Variants in MACROD2 observed in about 807,000 individuals in gnomAD.
The protein encoded by MACROD2 is mono-ADP ribosylhydrolase 2.
Under a neutral mutation model 70.4 loss-of-function variants are expected in MACROD2, and 36 were observed. The ratio of observed to expected loss-of-function variants is 0.51; its 90% CI spans 0.39 to 0.68. The LOEUF (loss-of-function observed/expected upper bound fraction) is 0.68, where lower values mean the gene tolerates loss of function less well. MACROD2 is among the 30% of genes least tolerant of loss of function. MACROD2 has a pLI of 0.00. For missense variants in MACROD2, 496 were observed against 538.4 expected (o/e 0.92, Z 0.78); for synonymous variants, 172 against 178.8 (o/e 0.96, Z 0.30).
chr20:14,823,573 T>C (rs2072870874), intron 5 of MACROD2, among the ~76,000 whole-genome samples: 1 of 152,028 alleles, frequency 6.6e-6, no homozygotes, highest in Non-Finnish European at 1.5e-5. Flanking sequence ...AGAAGGAAGC[T>C]AGAAAAGCGA....
chr20:14,819,358 G>A (rs2072812955), intron 5 of MACROD2, among the ~76,000 whole-genome samples: 1 of 150,596 alleles, frequency 6.6e-6, no homozygotes, highest in African/African-American at 2.5e-5. Flanking sequence ...GAATTCTCAG[G>A]TGTGGCTGCA....
At chr20:15,078,391 G>A (rs768095399) in intron 5 of MACROD2, among the ~76,000 whole-genome samples, 2 of 152,140 alleles carry the variant, frequency 1.3e-5, no homozygotes, top group Non-Finnish European at 2.9e-5. Context: ...AGAGAAGGGG[G>A]ATGAAAGGCC....
chr20:14,116,976 A>C (rs899266219), intron 3 of MACROD2, among the ~76,000 whole-genome samples: 1 of 151,422 alleles, frequency 6.6e-6, no homozygotes, highest in Admixed American at 6.6e-5. Context: ...CTGAGGCAGG[A>C]GAATCGCTTG....
intron 3 of MACROD2, among the ~76,000 whole-genome samples, chr20:14,138,009 G>T (rs558636681): frequency 1.3e-5 from 2 of 152,138 alleles, no homozygotes; most frequent in African/African-American, 4.8e-5. Flanking sequence ...TATATTACAA[G>T]GTGCTCAGTC....
intron 5 of MACROD2, among the ~76,000 whole-genome samples, chr20:15,163,690 CCTT>C (rs979838577): frequency 6.9e-4 from 105 of 151,828 alleles, no homozygotes; most frequent in Middle Eastern, 3.4e-3. Flanking sequence ...CAAATTAAAA[CCTT>C]TTTTTTTTTA....
At position 14,326,348 on chromosome 20, in the gene MACROD2, T is replaced by A. The variant is rs1221097227; in HGVS notation, c.272-167131T>A. On this transcript the variant is annotated intron_variant, in intron 3 of 17. Transcript: ENST00000684519. The surrounding 1 kb of genome is among the most constrained non-coding windows in gnomAD (Gnocchi z 5.5). Reference sequence around the variant, plus strand: ...TTGGGGTTCTTAATATCTGGCTGTTTGGTCACTGGAGCTGGCCACTGTCCT... The same window carrying A: ...TTGGGGTTCTTAATATCTGGCTGTTAGGTCACTGGAGCTGGCCACTGTCCT... 3 of 1,613,968 alleles carry A rather than the reference T, an allele frequency of 1.9e-6. No individual in the cohort carries two copies. Among genetic ancestry groups the A allele is most frequent in the African/African-American group, 1.3e-5 (1 of 75,026 alleles).
At chr20:14,394,333 G>A (rs2083559518) in intron 3 of MACROD2, among the ~76,000 whole-genome samples, 1 of 152,052 alleles carries the variant, frequency 6.6e-6, no homozygotes. Context: ...TATATCTTTT[G>A]TCAGATTTAT....
intron 5 of MACROD2, among the ~76,000 whole-genome samples, chr20:14,862,015 ATATTTATATATATT>A (rs2073328412): frequency 8.3e-5 from 2 of 24,008 alleles, no homozygotes; most frequent in African/African-American, 3.7e-4. Context: ...TTATATATAT[ATATTTATATATATT>A]TATATATATT....
At chr20:15,215,552 C>T (rs984032450) in intron 5 of MACROD2, among the ~76,000 whole-genome samples, 7 of 151,746 alleles carry the variant, frequency 4.6e-5, no homozygotes, top group Non-Finnish European at 7.4e-5. Context: ...GATGAAAATA[C>T]ATAAAATACA....
intron 8 of MACROD2, among the ~76,000 whole-genome samples, chr20:15,779,009 T>C (rs1314155936): frequency 1.3e-5 from 2 of 151,794 alleles, no homozygotes; most frequent in Non-Finnish European, 2.9e-5. Context: ...CAGAGAGGGA[T>C]TGGAGAGGAG....
intron 4 of MACROD2, among the ~76,000 whole-genome samples, chr20:14,624,328 C>T (rs751820892): frequency 4.6e-5 from 7 of 152,160 alleles, no homozygotes; most frequent in Admixed American, 6.6e-5. Flanking sequence ...ACATATTTCA[C>T]ACTTAGTAAT....
intron 3 of MACROD2, among the ~76,000 whole-genome samples, chr20:14,481,471 G>A (rs1399712692): frequency 6.6e-6 from 1 of 152,044 alleles, no homozygotes; most frequent in Non-Finnish European, 1.5e-5. Flanking sequence ...TATGGGAAAG[G>A]TATGGCGAAA....
intron 15 of MACROD2, among the ~76,000 whole-genome samples, chr20:15,990,462 A>T: frequency 6.6e-6 from 1 of 152,222 alleles, no homozygotes; most frequent in Middle Eastern, 3.4e-3. Context: ...TATATTGGAT[A>T]TTTTTTTCTC....
Position 14,227,542 on chromosome 20 carries a change from G to A in MACROD2, c.271+141814G>A, listed in dbSNP as rs886151468. Among the ~76,000 whole-genome samples, 8 of 152,114 alleles carry A rather than the reference G, an allele frequency of 5.3e-5. No homozygotes were observed. The East Asian group carries it at 5.8e-4, about 11-fold the overall frequency. Reference sequence around the variant, plus strand: ...TCTGCAGCTTCACTCCTGAGCCAGCGAGACCATGCACCCACCAGAAGGAAG... The same window carrying A: ...TCTGCAGCTTCACTCCTGAGCCAGCAAGACCATGCACCCACCAGAAGGAAG... On this transcript the variant is annotated intron_variant, in intron 3 of 17. Transcript: ENST00000684519.
chr20:15,004,361 A>G (rs2075019426), intron 5 of MACROD2, among the ~76,000 whole-genome samples: 1 of 152,232 alleles, frequency 6.6e-6, no homozygotes, highest in Non-Finnish European at 1.5e-5. Flanking sequence ...AGTACCTTAC[A>G]GTCAACTTCT....
At chr20:15,427,821 A>G (rs1469588236) in intron 6 of MACROD2, among the ~76,000 whole-genome samples, 1 of 152,188 alleles carries the variant, frequency 6.6e-6, no homozygotes, top group Non-Finnish European at 1.5e-5. Context: ...GCTGGGTTCT[A>G]GGTCCTAGAC....
intron 5 of MACROD2, among the ~76,000 whole-genome samples, chr20:14,906,727 A>T (rs1600802688): frequency 6.6e-6 from 1 of 152,264 alleles, no homozygotes; most frequent in South Asian, 2.1e-4. Flanking sequence ...AAAGAACAGG[A>T]TCTTTTTGTC....
chr20:15,965,364 A>G (rs2066124953), intron 12 of MACROD2, among the ~76,000 whole-genome samples: 1 of 152,176 alleles, frequency 6.6e-6, no homozygotes. Flanking sequence ...CGCCCATCTT[A>G]TGTGACTCAT....
At chr20:14,201,153 C>T (rs1040662883) in intron 3 of MACROD2, among the ~76,000 whole-genome samples, 15 of 151,876 alleles carry the variant, frequency 9.9e-5, no homozygotes, top group African/African-American at 2.2e-4. Context: ...AAATTTTTAA[C>T]GAATCTGGAA....
Sources: gnomAD v4.1 joint callset for allele counts (sites outside exome capture counted in the v4.1 genomes callset) on GRCh38, gnomAD v4.1.1 for gene constraint, Gnocchi (gnomAD v3.1) non-coding constraint, MANE v1.5 for transcripts, NCBI Gene and HGNC (gene_info 2026-07-23, HGNC 2026-07-21) for gene names.